Variants in C12orf56 observed in about 807,000 individuals in gnomAD.
C12orf56 encodes chromosome 12 open reading frame 56.
Under a neutral mutation model 69.9 loss-of-function variants are expected in C12orf56, and 71 were observed. That is an observed-to-expected ratio of 1.02 (90% confidence interval 0.84 to 1.24). C12orf56 has a LOEUF of 1.24. Among genes scored for constraint, C12orf56 ranks in the 50% most tolerant of loss-of-function variants. The pLI is 0.00. For missense variants in C12orf56, 732 were observed against 738.5 expected, an observed-to-expected ratio of 0.99 and a Z score of 0.10; for synonymous variants, 276 against 274.1, an observed-to-expected ratio of 1.01 and a Z score of -0.07.
At chr12:64,347,766 T>A (rs2039166613) in intron 2 of C12orf56, among the ~76,000 whole-genome samples, 1 of 152,240 alleles carries the variant, frequency 6.6e-6, no homozygotes, top group Admixed American at 6.5e-5. Context: ...CTGTGGTACC[T>A]TTTAGTTTAT....
chr12:64,356,234 G>T (rs1818876418), intron 1 of C12orf56, among the ~76,000 whole-genome samples: 1 of 148,790 alleles, frequency 6.7e-6, no homozygotes, highest in African/African-American at 2.5e-5. Context: ...ATTTTACAGA[G>T]AGGTTATATA....
intron 4 of C12orf56, among the ~76,000 whole-genome samples, chr12:64,314,904 G>A (rs1255068895): frequency 6.8e-6 from 1 of 146,196 alleles, no homozygotes. Flanking sequence ...CAAAGTGCTG[G>A]GATTACAGGA....
At chr12:64,347,734 C>T (rs780190325) in intron 2 of C12orf56, among the ~76,000 whole-genome samples, 2 of 152,126 alleles carry the variant, frequency 1.3e-5, no homozygotes, top group Admixed American at 6.5e-5. Context: ...GGATCAAATA[C>T]GTTTTAAAGG....
intron 1 of C12orf56, among the ~76,000 whole-genome samples, chr12:64,362,039 T>C (rs2039406820): frequency 6.6e-6 from 1 of 152,144 alleles, no homozygotes; most frequent in African/African-American, 2.4e-5. Flanking sequence ...CCTACTCCTT[T>C]ACTTTCTTAA....
At chr12:64,289,360 G>A (rs1198509927) in intron 6 of C12orf56, among the ~76,000 whole-genome samples, 1 of 124,646 alleles carries the variant, frequency 8.0e-6, no homozygotes, top group African/African-American at 3.0e-5. Flanking sequence ...CTGCCTAATT[G>A]CCCTGGCCAG....
chr12:64,302,684 C>T (rs2038461851), intron 6 of C12orf56, among the ~76,000 whole-genome samples: 1 of 152,190 alleles, frequency 6.6e-6, no homozygotes, highest in Non-Finnish European at 1.5e-5. Flanking sequence ...CTTCTTAACA[C>T]TTTCACCTGA....
chr12:64,284,674 C>A lies in C12orf56; in HGVS notation c.1300G>T (p.Ala434Ser), dbSNP rs1436448395. 1 of 1,609,142 alleles carries A rather than the reference C, an allele frequency of 6.2e-7. No individual in the cohort carries two copies. Among genetic ancestry groups the A allele is most frequent in the Non-Finnish European group, 8.5e-7 (1 of 1,178,248 alleles). Residue 434 changes from alanine to serine, a missense_variant, in exon 8 of 13, where the codon GCA becomes TCA. By Grantham distance (99) the Ala-to-Ser change is moderately conservative. Transcript: ENST00000543942. ...TCTAAAAGACCTTACTTCTTAGCTG[C>A]CAATGTGTTCAGGCGTGATGACTCG... ...ETESSRLNTL[A>S]AKKGALFNLL...
At chr12:64,362,099 C>T (rs2039407393) in intron 1 of C12orf56, among the ~76,000 whole-genome samples, 1 of 152,212 alleles carries the variant, frequency 6.6e-6, no homozygotes, top group South Asian at 2.1e-4. Flanking sequence ...TCTTACACAA[C>T]ATCCAAGAAC....
Position 64,390,607 on chromosome 12 carries a change from C to T in C12orf56, c.-42G>A. On this transcript the variant is annotated 5_prime_UTR_variant, in exon 1 of 13. Transcript: ENST00000543942. ...GTGGCGGAGTGCTGGGACTCGAGGCCCTCAGCTCGCCCTCTCCCCGCCCCC... is the reference window on the plus strand; with the variant it reads ...GTGGCGGAGTGCTGGGACTCGAGGCTCTCAGCTCGCCCTCTCCCCGCCCCC... 1 of 1,440,754 alleles carries T rather than the reference C, an allele frequency of 6.9e-7. No homozygotes were observed. The highest frequency in any genetic ancestry group is 9.0e-7 in the Non-Finnish European group (1 of 1,106,072). The allele number at this position is 1,440,754 out of a possible 1,614,324, so 89.2% of individuals were successfully genotyped here.
intron 8 of C12orf56, among the ~76,000 whole-genome samples, chr12:64,280,536 A>G (rs2038107920): frequency 6.6e-6 from 1 of 152,190 alleles, no homozygotes; most frequent in Non-Finnish European, 1.5e-5. Context: ...AAGTATGGGC[A>G]ATAGCTCTGA....
At chr12:64,317,980 A>G (rs1205919010) in intron 4 of C12orf56, among the ~76,000 whole-genome samples, 2 of 152,050 alleles carry the variant, frequency 1.3e-5, no homozygotes, top group Non-Finnish European at 2.9e-5. Context: ...CTGCTCACAC[A>G]TATTCCAGGA....
chr12:64,282,866 G>A (rs991607207), intron 8 of C12orf56, among the ~76,000 whole-genome samples: 4 of 151,706 alleles, frequency 2.6e-5, no homozygotes, highest in African/African-American at 4.8e-5. Flanking sequence ...TAATGAGGCC[G>A]GGCGTGGTGG....
At chr12:64,375,586 A>G (rs946977080) in intron 1 of C12orf56, among the ~76,000 whole-genome samples, 2 of 152,198 alleles carry the variant, frequency 1.3e-5, no homozygotes, top group Non-Finnish European at 2.9e-5. Context: ...AGGAGCATAG[A>G]GGCTGGCCAT....
In C12orf56 at chr12:64,390,601, C is replaced by T. The variant is rs571208596; in HGVS notation, c.-36G>A. ...CGCAGCGTGGCGGAGTGCTGGGACT[C>T]GAGGCCCTCAGCTCGCCCTCTCCCC... is the stretch of plus-strand genomic sequence containing the variant. On this transcript the variant is annotated 5_prime_UTR_variant, in exon 1 of 13. Transcript: ENST00000543942. The T allele has an allele frequency of 6.8e-7, 1 of 1,471,990 alleles. No individual in the cohort carries two copies. Among genetic ancestry groups the T allele is most frequent in the Non-Finnish European group, 8.9e-7 (1 of 1,120,554 alleles). The allele number at this position is 1,471,990 out of a possible 1,614,324, so 91.2% of individuals were successfully genotyped here.
intron 1 of C12orf56, among the ~76,000 whole-genome samples, chr12:64,382,624 C>T (rs2039734295): frequency 6.6e-6 from 1 of 152,036 alleles, no homozygotes; most frequent in Non-Finnish European, 1.5e-5. Flanking sequence ...CCTGTAATCC[C>T]AGCACTTCAG....
At chr12:64,298,373 T>G (rs912322911) in intron 6 of C12orf56, among the ~76,000 whole-genome samples, 1 of 152,248 alleles carries the variant, frequency 6.6e-6, no homozygotes, top group African/African-American at 2.4e-5. Context: ...GTGCAGAAGC[T>G]CTTTAGTTTA....
intron 2 of C12orf56, among the ~76,000 whole-genome samples, chr12:64,332,938 G>C (rs1279742514): frequency 6.6e-6 from 1 of 152,102 alleles, no homozygotes; most frequent in Non-Finnish European, 1.5e-5. Context: ...AATTCCCCTT[G>C]ACATTAAGAT....
Position 64,318,907 on chromosome 12 carries a change from G to A in C12orf56, c.562C>T (p.Leu188Phe), listed in dbSNP as rs761572609. The A allele has an allele frequency of 1.5e-5, 23 of 1,536,958 alleles. No homozygotes were observed. The African/African-American group carries it at 2.3e-4, about 16-fold the overall frequency. The change falls in exon 4 of 13, where the codon CTT becomes TTT. Residue 188 changes from leucine to phenylalanine, a missense_variant. Leu to Phe is a conservative substitution (Grantham distance 22, BLOSUM62 0). Transcript: ENST00000543942. ...GGTCGAAAGGCACCTTGGCCATGAA[G>A]GGACAGCTTTTTGAGGCCTGGACGA... ...CPRPGLKKLS[L>F]HGQGAFRPLP...
At chr12:64,332,348 T>G (rs1349706441) in intron 2 of C12orf56, among the ~76,000 whole-genome samples, 1 of 149,420 alleles carries the variant, frequency 6.7e-6, no homozygotes, top group Admixed American at 6.7e-5. Flanking sequence ...AGTGCATGAG[T>G]TCCTTCCAAA....
Sources: allele counts gnomAD v4.1 joint callset (sites outside exome capture counted in the v4.1 genomes callset), GRCh38; gene constraint gnomAD v4.1.1; transcripts MANE v1.5; gene names NCBI Gene and HGNC (gene_info 2026-07-23, HGNC 2026-07-21).